Variants in MASTL observed in about 807,000 individuals in gnomAD.
MASTL encodes microtubule associated serine/threonine kinase like.
In MASTL, 54 loss-of-function variants were observed where a neutral mutation model predicts 82.5. The observed-to-expected ratio is 0.65, with a 90% CI of 0.53 to 0.82. MASTL has a LOEUF of 0.82. Ranked by LOEUF, MASTL falls within the 40% of genes least tolerant of loss-of-function variation. The pLI is 0.00. For missense variants in MASTL, 950 were observed against 1,047.8 expected (o/e 0.91, Z 1.29); for synonymous variants, 323 against 368.9 (o/e 0.88, Z 1.43).
At chr10:27,173,053 C>T (rs539647036) in intron 8 of MASTL, 65 bp from the exon 9 acceptor site, 1 of 1,589,580 alleles carries the variant, frequency 6.3e-7, no homozygotes, top group Admixed American at 1.7e-5. Flanking sequence ...GTGTGTTTCA[C>T]CATTTTCTAT....
intron 7 of MASTL, among the ~76,000 whole-genome samples, chr10:27,167,889 A>G (rs1015177325): frequency 2.6e-5 from 4 of 152,208 alleles, no homozygotes; most frequent in African/African-American, 9.7e-5. Flanking sequence ...TTCTGAGGAT[A>G]TTGCTTGCCA....
At chr10:27,161,216 AC>A (rs760938952) in intron 4 of MASTL, 34 bp downstream of exon 4, 1 of 1,287,008 alleles carries the variant, frequency 7.8e-7, no homozygotes, top group East Asian at 2.3e-5. Context: ...CTTTTTTAAA[AC>A]ATCCAACAGG....
At chr10:27,175,645 C>T (rs1334192155) in intron 9 of MASTL, among the ~76,000 whole-genome samples, 1 of 152,164 alleles carries the variant, frequency 6.6e-6, no homozygotes, top group Non-Finnish European at 1.5e-5. Flanking sequence ...TACACGTGCT[C>T]CATGTTCATC....
chr10:27,156,968 A>AT (rs568477426), intron 1 of MASTL, among the ~76,000 whole-genome samples: 319 of 150,186 alleles, frequency 2.1e-3, no homozygotes, highest in African/African-American at 7.4e-3. Context: ...CACCGGGCTA[A>AT]TTTTTTGTAT....
intron 2 of MASTL, among the ~76,000 whole-genome samples, 191 bp downstream of exon 2, chr10:27,158,877 G>T (rs1176081544): frequency 6.6e-6 from 1 of 152,130 alleles, no homozygotes; most frequent in East Asian, 1.9e-4. Context: ...ATATGCATAC[G>T]GTGCGTGTGT....
chr10:27,164,989 T>A (rs1341970008), intron 4 of MASTL, 75 bp from the exon 5 acceptor site: 1 of 981,928 alleles, frequency 1.0e-6, no homozygotes, highest in Non-Finnish European at 1.6e-6. Context: ...TGTTGTCATA[T>A]ACATAACATT....
At position 27,160,431 on chromosome 10, in the gene MASTL, A is replaced by G. The variant is rs551540055; in HGVS notation, c.465-663A>G. ...AGAAAGTCAGATTAAGTGACTTATTAAATCTCAATCTTACCTTCCTTTAAG... is the reference window on the plus strand; with the variant it reads ...AGAAAGTCAGATTAAGTGACTTATTGAATCTCAATCTTACCTTCCTTTAAG... On this transcript the variant is annotated intron_variant, in intron 3 of 11. Transcript: ENST00000375940. Among the ~76,000 whole-genome samples the G allele has an allele frequency of 2.0e-5, 3 of 152,188 alleles. No homozygotes were observed. The South Asian group carries it at 6.2e-4, about 32-fold the overall frequency.
Position 27,173,143 on chromosome 10 carries a change from G to C in MASTL, c.2150G>C (p.Gly717Ala). The C allele has an allele frequency of 6.2e-7, 1 of 1,614,102 alleles. No homozygotes were observed. Among genetic ancestry groups the C allele is most frequent in the Non-Finnish European group, 8.5e-7 (1 of 1,180,006 alleles). Residue 717 changes from glycine to alanine, a missense_variant, in exon 9 of 12, where the codon GGA becomes GCA. Transcript: ENST00000375940. ...CAGACCCCAAATCAGATCAAGTCGGGAACTCCATACCGAACTCCGAAGAGT... is the reference window on the plus strand; with the variant it reads ...CAGACCCCAAATCAGATCAAGTCGGCAACTCCATACCGAACTCCGAAGAGT... ...HQQTPNQIKS[G>A]TPYRTPKSVR... is the part of the protein sequence containing the mutation.
At chr10:27,165,959 C>T (rs563515707) in intron 6 of MASTL, among the ~76,000 whole-genome samples, 26 of 152,076 alleles carry the variant, frequency 1.7e-4, no homozygotes, top group African/African-American at 5.8e-4. Flanking sequence ...TGACACCCAG[C>T]AGTTTGGGCA....
At chr10:27,185,789 A>G (rs1045934443) in intron 11 of MASTL, among the ~76,000 whole-genome samples, 3 of 150,184 alleles carry the variant, frequency 2.0e-5, no homozygotes, top group African/African-American at 7.4e-5. Context: ...TCCATTTCAA[A>G]AAAAAAAAAA....
chr10:27,167,805 A>AGTCACTTTACTTAAC (rs1193224660), intron 7 of MASTL, among the ~76,000 whole-genome samples: 1 of 152,226 alleles, frequency 6.6e-6, no homozygotes, highest in Non-Finnish European at 1.5e-5. Flanking sequence ...ACTTACTTAA[A>AGTCACTTTACTTAAC]GTCACTTTAC....
At chr10:27,176,531 T>C (rs886790504) in intron 9 of MASTL, among the ~76,000 whole-genome samples, 2 of 152,242 alleles carry the variant, frequency 1.3e-5, no homozygotes, top group African/African-American at 4.8e-5. Flanking sequence ...ATATGCCTTA[T>C]GTTCCCATTC....
chr10:27,167,503 C>A (rs902005321), intron 7 of MASTL, among the ~76,000 whole-genome samples: 1 of 152,088 alleles, frequency 6.6e-6, no homozygotes, highest in African/African-American at 2.4e-5. Flanking sequence ...TAATGAGATT[C>A]TTGCAGTAAA....
At chr10:27,171,247 T>C (rs2057924673) in intron 8 of MASTL, among the ~76,000 whole-genome samples, 164 bp downstream of exon 8, 1 of 152,162 alleles carries the variant, frequency 6.6e-6, no homozygotes, top group Admixed American at 6.6e-5. Context: ...GTAAAGCTGG[T>C]AGAAATCATG....
intron 10 of MASTL, 63 bp from the exon 11 acceptor site, chr10:27,181,417 A>G (rs1310501171): frequency 2.4e-6 from 3 of 1,227,620 alleles, no homozygotes; most frequent in Non-Finnish European, 3.6e-6. Context: ...GTAGTCATTT[A>G]TCTCTGGATA....
At chr10:27,157,015 C>T (rs6482599) in intron 1 of MASTL, among the ~76,000 whole-genome samples, 8,373 of 151,440 alleles carry the variant, frequency 0.055, 466 homozygotes, top group African/African-American at 0.15. Context: ...TTTGGGCAGG[C>T]TGGTCTCAAA....
intron 9 of MASTL, among the ~76,000 whole-genome samples, chr10:27,174,859 C>T (rs900782716): frequency 6.6e-6 from 1 of 152,074 alleles, no homozygotes; most frequent in Non-Finnish European, 1.5e-5. Flanking sequence ...TTTTTAGGTA[C>T]GGGTTAGGAC....
In MASTL at chr10:27,165,182, A is replaced by T. The variant is rs7068375; in HGVS notation, c.660+12A>T. ...GCTCGTTGGGATTTGTAAGTACTTG[A>T]GAAGAAAATTAACATGACATACCCC... On this transcript the variant is annotated intron_variant, in intron 5 of 11. Transcript: ENST00000375940. 981,922 of 1,577,492 alleles carry T rather than the reference A, an allele frequency of 0.62. 309,341 individuals carry two copies. The highest frequency in any genetic ancestry group is 0.65 in the Non-Finnish European group (744,137 of 1,147,158).
chr10:27,165,153 A>G lies in MASTL; in HGVS notation c.643A>G (p.Ile215Val). The change falls in exon 5 of 12, where the codon ATC becomes GTC. Residue 215 changes from isoleucine to valine, a missense_variant. Transcript: ENST00000375940. Reference protein sequence around the residue: ...SRTPGQVLSLISSLGFNTPIA... With the variant: ...SRTPGQVLSLVSSLGFNTPIA... ...AACCCCAGGACAAGTGTTATCGCTT[A>G]TCAGCTCGTTGGGATTTGTAAGTAC... 1.2e-6 allele frequency: 2 copies of G among 1,612,640 alleles called. No homozygotes were observed. The highest frequency in any genetic ancestry group is 1.1e-5 in the South Asian group (1 of 91,058).
Sources: gnomAD v4.1 joint callset for allele counts (sites outside exome capture counted in the v4.1 genomes callset) on GRCh38, gnomAD v4.1.1 for gene constraint, MANE v1.5 for transcripts, NCBI Gene and HGNC (gene_info 2026-07-23, HGNC 2026-07-21) for gene names.